ZIK1: variants seen among roughly 807,000 people sequenced by gnomAD.
ZIK1 encodes the protein zinc finger protein interacting with K protein 1.
ZIK1 carries 12 observed loss-of-function variants against 10.7 expected under a neutral mutation model. That is an observed-to-expected ratio of 1.12 (90% CI 0.72 to 1.81). ZIK1 has a LOEUF of 1.81. Ranked by LOEUF, ZIK1 falls within the 40% of genes most tolerant of loss-of-function variation. ZIK1 has a pLI of 0.00. For missense variants in ZIK1, 497 were observed against 585.7 expected, an observed-to-expected ratio of 0.85 and a Z score of 1.56; for synonymous variants, 190 against 205.0, an observed-to-expected ratio of 0.93 and a Z score of 0.63.
Position 57,590,972 on chromosome 19 carries a change from C to A in ZIK1, c.1161C>A (p.Ser387=). Residue 387 remains serine, a synonymous_variant, in exon 4 of 4, where the codon TCC becomes TCA. Transcript: ENST00000597850. ...ATGAGTGTGGCCAGTGTGGGAAATC[C>A]TTTAGTCAAAAAGCTACCCTCATTA... The part of the protein sequence containing the change: ...KPYECGQCGK[S]FSQKATLIKH... The A allele has an allele frequency of 6.2e-7, 1 of 1,614,082 alleles. No homozygotes were observed. The highest frequency in any genetic ancestry group is 8.5e-7 in the Non-Finnish European group (1 of 1,179,982).
In ZIK1 at chr19:57,587,376, C is replaced by G. The variant is rs904519328; in HGVS notation, c.73-1163C>G. Among the ~76,000 whole-genome samples, 57 of 152,150 alleles carry G rather than the reference C, an allele frequency of 3.7e-4. 3 individuals carry two copies. The highest frequency in any genetic ancestry group is 1.5e-5 in the Non-Finnish European group (1 of 68,022). ...CAGTGGACTGTGTCCCCGCAAAATT[C>G]ATATGCTTAAAGCCTAATTCCAGTG... On this transcript the variant is annotated intron_variant, in intron 2 of 3. Transcript: ENST00000597850.
chr19:57,585,071 G>T (rs1433274239), intron 2 of ZIK1, 81 bp downstream of exon 2: 1 of 1,429,928 alleles, frequency 7.0e-7, no homozygotes, highest in African/African-American at 1.4e-5. Context: ...CCACCATCCA[G>T]TTCTTTGACC....
intron 2 of ZIK1, 130 bp downstream of exon 2, chr19:57,585,120 T>G: frequency 1.3e-6 from 1 of 777,644 alleles, no homozygotes; most frequent in Non-Finnish European, 2.0e-6. Flanking sequence ...ACATCCTGAT[T>G]CTAGACTGGT....
chr19:57,591,475 A>ATGGTTTCTACCAG lies in ZIK1; in HGVS notation c.*200_*201insTGGTTTCTACCAG. ...TCATTCTTCCTTGTTTCTCTGGTAGAAACCATCTACCCTCTACCACCTTGC... is the reference window on the plus strand; with the variant it reads ...TCATTCTTCCTTGTTTCTCTGGTAGATGGTTTCTACCAGAACCATCTACCCTCTACCACCTTGC... On this transcript the variant is annotated 3_prime_UTR_variant, in exon 4 of 4. Transcript: ENST00000597850. 1.6e-6 allele frequency: 1 copy of ATGGTTTCTACCAG among 607,900 alleles called. No individual in the cohort carries two copies. The highest frequency in any genetic ancestry group is 2.8e-6 in the Non-Finnish European group (1 of 350,880). The allele number at this position is 607,900 out of a possible 1,614,324, so 37.7% of individuals were successfully genotyped here. A position where few individuals can be genotyped will look rare whatever the true frequency, so the allele number is the denominator to read the frequency against.
Position 57,584,282 on chromosome 19 carries a change from CG to C in ZIK1, c.-71del, listed in dbSNP as rs1255143324. 3 of 1,522,770 alleles carry C rather than the reference CG, an allele frequency of 2.0e-6. No individual in the cohort carries two copies. Among genetic ancestry groups the C allele is most frequent in the Non-Finnish European group, 2.6e-6 (3 of 1,132,538 alleles). The allele number at this position is 1,522,770 out of a possible 1,614,324, so 94.3% of individuals were successfully genotyped here. ...TGGGGGTTCTAAGGGTCGGCGGCGGCGGGGTTGACGGCTTTGCCTAGGTCCC... is the reference window on the plus strand; with the variant it reads ...TGGGGGTTCTAAGGGTCGGCGGCGGCGGGTTGACGGCTTTGCCTAGGTCCC... On this transcript the variant is annotated 5_prime_UTR_variant, in exon 1 of 4. Coordinates refer to ENST00000597850, the MANE Select transcript of ZIK1 (RefSeq NM_001010879.4).
chr19:57,589,628 T>C, intron 3 of ZIK1: 1 of 985,464 alleles, frequency 1.0e-6, no homozygotes, highest in Non-Finnish European at 1.2e-6. Flanking sequence ...AATTGTATTT[T>C]CCTGGGCTTG....
chr19:57,589,137 G>T (rs560673905), intron 3 of ZIK1: 1 of 325,900 alleles, frequency 3.1e-6, no homozygotes, highest in East Asian at 1.7e-4. Context: ...GAGTCGTTCT[G>T]CATCAGTGCT....
chr19:57,588,940 C>A (rs778178935), intron 3 of ZIK1, among the ~76,000 whole-genome samples: 6 of 151,930 alleles, frequency 3.9e-5, no homozygotes, highest in Non-Finnish European at 7.4e-5. Flanking sequence ...CACCTTGTGT[C>A]CCAAGTTCCC....
intron 2 of ZIK1, among the ~76,000 whole-genome samples, chr19:57,586,783 GTCT>G (rs1423758096): frequency 6.6e-6 from 1 of 152,084 alleles, no homozygotes; most frequent in Admixed American, 6.5e-5. Flanking sequence ...ATATTTTCCT[GTCT>G]TCTTCTGAGC....
Position 57,591,044 on chromosome 19 carries a change from C to G in ZIK1, c.1233C>G (p.Asp411Glu), listed in dbSNP as rs867741730. 6.2e-7 allele frequency: 1 copy of G among 1,609,832 alleles called. No individual in the cohort carries two copies. Among genetic ancestry groups the G allele is most frequent in the Non-Finnish European group, 8.5e-7 (1 of 1,178,790 alleles). ...HTGERPYKCG[D>E]CGKSFSQSSI... ...GAGAAAGGCCTTATAAGTGTGGTGACTGTGGGAAATCCTTTAGTCAAAGCT... is the reference window on the plus strand; with the variant it reads ...GAGAAAGGCCTTATAAGTGTGGTGAGTGTGGGAAATCCTTTAGTCAAAGCT... The change falls in exon 4 of 4, where the codon GAC becomes GAG. Residue 411 changes from aspartate (D) to glutamate (E), a missense_variant. Transcript: ENST00000597850.
intron 2 of ZIK1, among the ~76,000 whole-genome samples, chr19:57,588,167 G>A (rs1375156768): frequency 6.6e-6 from 1 of 152,098 alleles, no homozygotes; most frequent in Non-Finnish European, 1.5e-5. Flanking sequence ...GAGCGAGTAT[G>A]GTTCAAAGAA....
At position 57,591,254 on chromosome 19, in the gene ZIK1, C is replaced by A; in HGVS notation, c.1443C>A (p.His481Gln). The A allele has an allele frequency of 1.9e-6, 3 of 1,609,594 alleles. No homozygotes were observed. Among genetic ancestry groups the A allele is most frequent in the Non-Finnish European group, 1.7e-6 (2 of 1,177,394 alleles). Residue 481 changes from histidine (H) to glutamine (Q), a missense_variant, in exon 4 of 4, where the codon CAC becomes CAA. His to Gln is a conservative substitution (Grantham distance 24, BLOSUM62 0). Transcript: ENST00000597850. ...GCCAATGCTCCAGCCTCATACATCA[C>A]CAAAAATGTCATAACACATAGAGGC... is the stretch of plus-strand genomic sequence containing the variant. ...SFSQCSSLIHHQKCHNT is the reference protein window; with the variant it reads ...SFSQCSSLIHQQKCHNT
chr19:57,584,608 C>A, intron 1 of ZIK1: 1 of 1,393,868 alleles, frequency 7.2e-7, no homozygotes, highest in South Asian at 1.7e-5. Flanking sequence ...ACCTGGAGTG[C>A]CAAGGTGAGG....
chr19:57,591,137 G>A lies in ZIK1; in HGVS notation c.1326G>A (p.Lys442=). 2 of 1,613,654 alleles carry A rather than the reference G, an allele frequency of 1.2e-6. No homozygotes were observed. Among genetic ancestry groups the A allele is most frequent in the Non-Finnish European group, 1.7e-6 (2 of 1,179,888 alleles). ...CTTATGAGTGTGGCCAGTGTGGAAA[G>A]TCCTTTAGCCAAAAGTCTGGTCTCA... ...ARPYECGQCG[K]SFSQKSGLIQ... The change falls in exon 4 of 4, where the codon AAG becomes AAA. Residue 442 remains lysine, a synonymous_variant. Transcript: ENST00000597850.
chr19:57,590,135 C>G lies in ZIK1; in HGVS notation c.324C>G (p.Val108=). 6.2e-7 allele frequency: 1 copy of G among 1,614,126 alleles called. No homozygotes were observed. Among genetic ancestry groups the G allele is most frequent in the East Asian group, 2.2e-5 (1 of 44,876 alleles). Reference sequence around the variant, plus strand: ...AATCCTGTGAGATGTGTGTCCCAGTCCTGAAAGATATTTTGCATCTAGCTG... The same window carrying G: ...AATCCTGTGAGATGTGTGTCCCAGTGCTGAAAGATATTTTGCATCTAGCTG... ...KTQSCEMCVP[V]LKDILHLADL... Residue 108 remains valine (V), a synonymous_variant, in exon 4 of 4, where the codon GTC becomes GTG. Coordinates refer to ENST00000597850, the MANE Select transcript of ZIK1 (RefSeq NM_001010879.4).
Position 57,584,407 on chromosome 19 carries a change from T to C in ZIK1, c.33+18T>C. The C allele has an allele frequency of 6.2e-7, 1 of 1,606,972 alleles. No individual in the cohort carries two copies. Among genetic ancestry groups the C allele is most frequent in the Non-Finnish European group, 8.5e-7 (1 of 1,177,248 alleles). On this transcript the variant is annotated intron_variant, in intron 1 of 3. Coordinates refer to ENST00000597850, the MANE Select transcript of ZIK1 (RefSeq NM_001010879.4). ...CGACTCAGGTGAGCGCTGCCTCTACTGGGCCTCACCCTCCATCCCCAAATT... is the reference window on the plus strand; with the variant it reads ...CGACTCAGGTGAGCGCTGCCTCTACCGGGCCTCACCCTCCATCCCCAAATT...
At chr19:57,584,486 C>A in intron 1 of ZIK1, 97 bp downstream of exon 1, 1 of 1,467,960 alleles carries the variant, frequency 6.8e-7, no homozygotes, top group Non-Finnish European at 9.1e-7. Flanking sequence ...ACAGTGGGGG[C>A]TCGTGGGTGG....
chr19:57,590,239 A>C lies in ZIK1; in HGVS notation c.428A>C (p.Lys143Thr). 6.2e-7 allele frequency: 1 copy of C among 1,614,222 alleles called. No individual in the cohort carries two copies. Among genetic ancestry groups the C allele is most frequent in the South Asian group, 1.1e-5 (1 of 91,082 alleles). ...CACCAGAAGCATCACAGTGCAAAGAAATCCTTGAAGAGGGACATGGACAGA... is the reference window on the plus strand; with the variant it reads ...CACCAGAAGCATCACAGTGCAAAGACATCCTTGAAGAGGGACATGGACAGA... Reference protein sequence around the residue: ...HQHQKHHSAKKSLKRDMDRAS... With the variant: ...HQHQKHHSAKTSLKRDMDRAS... Residue 143 changes from lysine (K) to threonine (T), a missense_variant, in exon 4 of 4, where the codon AAA becomes ACA. Transcript: ENST00000597850.
At position 57,591,889 on chromosome 19, in the gene ZIK1, TATATGA is replaced by T. The variant is rs1979726191; in HGVS notation, c.*616_*621del. The T allele has an allele frequency of 1.3e-5, 2 of 152,290 alleles. No homozygotes were observed. The highest frequency in any genetic ancestry group is 1.5e-5 in the Non-Finnish European group (1 of 68,136). The allele number at this position is 152,290 out of a possible 1,614,324, so 9.4% of individuals were successfully genotyped here. On this transcript the variant is annotated 3_prime_UTR_variant, in exon 4 of 4. Transcript: ENST00000597850. ...GTGGCTGGGAGACAGACTTCAACTC[TATATGA>T]AGGAATGGATGGCTTTTGTGGGCCT... is the stretch of plus-strand genomic sequence containing the variant.
Sources: gnomAD v4.1 joint callset for allele counts (sites outside exome capture counted in the v4.1 genomes callset) on GRCh38, gnomAD v4.1.1 for gene constraint, MANE v1.5 for transcripts, NCBI Gene and HGNC (gene_info 2026-07-23, HGNC 2026-07-21) for gene names.